Variants in COL9A1 observed in about 807,000 individuals in gnomAD.
The protein encoded by COL9A1 is collagen type IX alpha 1 chain.
Under a neutral mutation model 142.6 loss-of-function variants are expected in COL9A1, and 104 were observed. The observed-to-expected ratio is 0.73, with a 90% CI of 0.62 to 0.86. The LOEUF (loss-of-function observed/expected upper bound fraction) is 0.86. Ranked by LOEUF, COL9A1 falls within the 40% of genes least tolerant of loss-of-function variation. The probability of loss-of-function intolerance (pLI) is 0.00; values close to 1 mark genes in which losing one functional copy is unlikely to be tolerated. For synonymous variants in COL9A1, 466 were observed against 396.0 expected (o/e 1.18, Z -2.10); for missense variants, 1,210 against 1,176.6 (o/e 1.03, Z -0.42).
rs759269039 is a variant in COL9A1 at position 70,274,786 on chromosome 6, A to G, written c.976-14T>C. On this transcript the variant is annotated splice_polypyrimidine_tract_variant and intron_variant, in intron 10 of 37. Transcript: ENST00000357250. Reference sequence around the variant, plus strand: ...TCCTGTTAATCCCTAATAGAGCAAGACAATGATGTTAGAACTATCATAACA... The same window carrying G: ...TCCTGTTAATCCCTAATAGAGCAAGGCAATGATGTTAGAACTATCATAACA... 7.5e-6 allele frequency: 12 copies of G among 1,608,602 alleles called. No individual in the cohort carries two copies. The East Asian group carries it at 2.2e-4, about 30-fold the overall frequency.
At chr6:70,221,622 C>A (rs530937279) in intron 37 of COL9A1, among the ~76,000 whole-genome samples, 37 of 152,336 alleles carry the variant, frequency 2.4e-4, no homozygotes, top group African/African-American at 8.9e-4. Context: ...AAGCCAGCTA[C>A]AACTTCCATG....
Position 70,286,205 on chromosome 6 carries a change from T to C in COL9A1, c.697-2385A>G, listed in dbSNP as rs117119858. 1.1e-3 allele frequency among the ~76,000 whole-genome samples: 165 copies of C among 152,290 alleles called. 3 individuals are homozygous for C. The East Asian group carries it at 0.025, about 23-fold the overall frequency. On this transcript the variant is annotated intron_variant, in intron 5 of 37. Coordinates refer to ENST00000357250, the MANE Select transcript of COL9A1 (RefSeq NM_001851.6). ...ATCTGGCCTATTCAATTATTTTCTA[T>C]AGGACAATGTAAAGGTATAATTCAA...
chr6:70,289,601 C>T (rs1773582785), intron 5 of COL9A1, among the ~76,000 whole-genome samples: 2 of 152,048 alleles, frequency 1.3e-5, no homozygotes, highest in African/African-American at 2.4e-5. Flanking sequence ...TTAATCAAAT[C>T]AAAATTTTAT....
rs767138403 is a variant in COL9A1, at chr6:70,268,800, T to C, written c.1287+4A>G. 1.2e-6 allele frequency: 2 copies of C among 1,613,148 alleles called. No homozygotes were observed. The highest frequency in any genetic ancestry group is 1.7e-6 in the Non-Finnish European group (2 of 1,179,238). On this transcript the variant is annotated splice_donor_region_variant and intron_variant, in intron 17 of 37. Coordinates refer to ENST00000357250, the MANE Select transcript of COL9A1 (RefSeq NM_001851.6). Reference sequence around the variant, plus strand: ...TCTTAAAATACTGGAAGTTATTCTCTTACCCTCATGCCTGGTAGGCCTGGA... The same window carrying C: ...TCTTAAAATACTGGAAGTTATTCTCCTACCCTCATGCCTGGTAGGCCTGGA...
At chr6:70,233,784 C>A (rs1424291439) in intron 35 of COL9A1, among the ~76,000 whole-genome samples, 1 of 152,178 alleles carries the variant, frequency 6.6e-6, no homozygotes, top group Non-Finnish European at 1.5e-5. Context: ...CTTCTCAAGT[C>A]TCCTAGACAA....
chr6:70,268,361 C>A (rs561437541), intron 17 of COL9A1, among the ~76,000 whole-genome samples: 56 of 152,176 alleles, frequency 3.7e-4, no homozygotes, highest in African/African-American at 1.3e-3. Flanking sequence ...ACTACAAGTG[C>A]ATGCCACCAT....
At chr6:70,296,785 G>T (rs563097528) in intron 4 of COL9A1, among the ~76,000 whole-genome samples, 1 of 152,060 alleles carries the variant, frequency 6.6e-6, no homozygotes, top group African/African-American at 2.4e-5. Flanking sequence ...AGATTATTTT[G>T]ATTTTTATTT....
intron 35 of COL9A1, 115 bp from the exon 36 acceptor site, chr6:70,232,886 A>G (rs530239619): frequency 9.6e-7 from 1 of 1,043,066 alleles, no homozygotes; most frequent in East Asian, 2.6e-5. Flanking sequence ...GATCTTCAAA[A>G]TTGGTAGTAA....
intron 7 of COL9A1, among the ~76,000 whole-genome samples, chr6:70,282,599 TAAG>T (rs1239754421): frequency 6.6e-6 from 1 of 151,922 alleles, no homozygotes; most frequent in Non-Finnish European, 1.5e-5. Flanking sequence ...GTGCGGGAAG[TAAG>T]AAGCAATAAC....
chr6:70,242,241 A>G (rs1284454507), intron 29 of COL9A1: 1 of 631,342 alleles, frequency 1.6e-6, no homozygotes, highest in East Asian at 2.9e-5. Flanking sequence ...CTCCACCCTA[A>G]GGTCCTCAGT....
intron 13 of COL9A1, 77 bp from the exon 14 acceptor site, chr6:70,271,785 A>G (rs750866150): frequency 2.2e-6 from 3 of 1,351,036 alleles, no homozygotes; most frequent in African/African-American, 1.5e-5. Context: ...CAAATATGAT[A>G]AATATTAGAT....
Position 70,224,292 on chromosome 6 carries a change from C to T in COL9A1, c.2581+1640G>A, listed in dbSNP as rs898350278. Among the ~76,000 whole-genome samples, 5 of 152,152 alleles carry T rather than the reference C, an allele frequency of 3.3e-5. No homozygotes were observed. In the East Asian group the frequency reaches 9.6e-4, roughly 29 times the overall value. ...TGACTGTGTGCCCCGTTTGCGCCCC[C>T]CATCAACTTGGCTCCTGAAAATGGT... On this transcript the variant is annotated intron_variant, in intron 37 of 37. Transcript: ENST00000357250.
chr6:70,240,618 G>GTATATATATA, intron 32 of COL9A1, 71 bp downstream of exon 32: 1 of 982,836 alleles, frequency 1.0e-6, no homozygotes, highest in Non-Finnish European at 1.6e-6. Flanking sequence ...TGTGTTAGAA[G>GTATATATATA]TATATATATA....
intron 1 of COL9A1, 130 bp from the exon 2 acceptor site, chr6:70,302,204 CTTTTTTTTTT>C (rs202054376): frequency 1.9e-5 from 7 of 360,042 alleles, no homozygotes; most frequent in Admixed American, 8.3e-5. Flanking sequence ...TTTTTCATTT[CTTTTTTTTTT>C]TTTTTTTTTT....
In COL9A1 at chr6:70,289,050, T is replaced by C. The variant is rs547685340; in HGVS notation, c.696+5117A>G. On this transcript the variant is annotated intron_variant, in intron 5 of 37. Coordinates refer to ENST00000357250, the MANE Select transcript of COL9A1 (RefSeq NM_001851.6). ...TAGTGAAGAAAGAACTGATAGTATT[T>C]GCCTTTCTGGTTTGATCATTATTTG... Among the ~76,000 whole-genome samples, 4 of 152,280 alleles carry C rather than the reference T, an allele frequency of 2.6e-5. 1 individual carries two copies. The South Asian group carries it at 8.3e-4, about 32-fold the overall frequency.
intron 37 of COL9A1, among the ~76,000 whole-genome samples, chr6:70,225,090 C>A (rs576143947): frequency 1.8e-4 from 27 of 152,304 alleles, no homozygotes; most frequent in African/African-American, 5.5e-4. Context: ...AAGCAAGTAT[C>A]ATCTCAACTC....
chr6:70,251,466 G>A (rs1283678909), intron 28 of COL9A1, among the ~76,000 whole-genome samples: 1 of 152,240 alleles, frequency 6.6e-6, no homozygotes, highest in African/African-American at 2.4e-5. Context: ...AGGACTGCAT[G>A]AGCCCAGGAG....
chr6:70,281,349 C>T (rs199834021), intron 8 of COL9A1, 41 bp downstream of exon 8: 10 of 1,586,938 alleles, frequency 6.3e-6, no homozygotes, highest in African/African-American at 1.4e-5. Flanking sequence ...TAGGAAAGGG[C>T]AGGACTGGGG....
At chr6:70,283,475 G>A (rs73745363) in intron 6 of COL9A1, among the ~76,000 whole-genome samples, 2,006 of 152,302 alleles carry the variant, frequency 0.013, 32 homozygotes, top group African/African-American at 0.045. Flanking sequence ...AAGGGAGGAG[G>A]GTCCATAAGC....
Sources: gnomAD v4.1 joint callset for allele counts (sites outside exome capture counted in the v4.1 genomes callset) on GRCh38, gnomAD v4.1.1 for gene constraint, MANE v1.5 for transcripts, NCBI Gene and HGNC (gene_info 2026-07-23, HGNC 2026-07-21) for gene names.